CUX1: variants seen among roughly 807,000 people sequenced by gnomAD.
CUX1 encodes cut like homeobox 1, also known as protein CASP.
Under a neutral mutation model 158.8 loss-of-function variants are expected in CUX1, and 31 were observed. The observed-to-expected ratio is 0.20, with a 90% CI of 0.15 to 0.26. The LOEUF (loss-of-function observed/expected upper bound fraction) is 0.26. Among genes scored for constraint, CUX1 ranks in the 10% least tolerant of loss-of-function variants. The probability of loss-of-function intolerance (pLI) is 1.00; values close to 1 mark genes in which losing one functional copy is unlikely to be tolerated. For synonymous variants in CUX1, 879 were observed against 862.1 expected (o/e 1.02, Z -0.34); for missense variants, 1,589 against 2,014.6 (o/e 0.79, Z 4.04).
intron 2 of CUX1, among the ~76,000 whole-genome samples, chr7:101,996,368 C>A (rs974811158): frequency 6.6e-6 from 1 of 152,080 alleles, no homozygotes; most frequent in Admixed American, 6.5e-5. Context: ...ATCCTGGAAC[C>A]CCCCAACCCG....
chr7:102,109,125 A>T (rs1048538432), intron 6 of CUX1, among the ~76,000 whole-genome samples: 5 of 152,202 alleles, frequency 3.3e-5, no homozygotes, highest in African/African-American at 1.2e-4. Flanking sequence ...ACTGGGGTGC[A>T]TATTTGTTTT....
At chr7:102,169,838 C>T (rs1359282304) in intron 9 of CUX1, among the ~76,000 whole-genome samples, 2 of 152,200 alleles carry the variant, frequency 1.3e-5, no homozygotes, top group African/African-American at 2.4e-5. Context: ...GTCCTGTCTA[C>T]GTCCTCGGAT....
chr7:102,042,595 AC>A (rs1234214044), intron 3 of CUX1, among the ~76,000 whole-genome samples: 1 of 152,008 alleles, frequency 6.6e-6, no homozygotes, highest in Non-Finnish European at 1.5e-5. Context: ...TATTGTTAAG[AC>A]CCTTTTGCTG....
At chr7:102,180,708 T>C (rs942217235) in intron 11 of CUX1, among the ~76,000 whole-genome samples, 1 of 150,642 alleles carries the variant, frequency 6.6e-6, no homozygotes, top group Admixed American at 6.6e-5. Flanking sequence ...TTTCCAGCAA[T>C]CTATTGCCTA....
intron 3 of CUX1, among the ~76,000 whole-genome samples, chr7:102,068,830 T>C (rs1369138707): frequency 6.6e-6 from 1 of 152,206 alleles, no homozygotes; most frequent in Admixed American, 6.5e-5. Flanking sequence ...TAAAGTGCGA[T>C]CTGTTGTCTC....
chr7:102,272,836 G>A (rs59310822), intron 14 of CUX1, among the ~76,000 whole-genome samples: 4,405 of 152,262 alleles, frequency 0.029, 213 homozygotes, highest in African/African-American at 0.098. Context: ...TCTGTTGGGG[G>A]CGGGACCAAG....
intron 1 of CUX1, among the ~76,000 whole-genome samples, chr7:101,861,519 G>A (rs1319303932): frequency 6.6e-6 from 1 of 151,240 alleles, no homozygotes; most frequent in Non-Finnish European, 1.5e-5. Flanking sequence ...CTGCAAAGCT[G>A]GTTTTGGTGC....
chr7:101,862,912 A>G (rs955965838), intron 1 of CUX1, among the ~76,000 whole-genome samples: 1 of 144,920 alleles, frequency 6.9e-6, no homozygotes, highest in Non-Finnish European at 1.5e-5. Context: ...TTTTTTTTTT[A>G]CTTATTACAG....
At chr7:101,903,862 A>G (rs2131779050) in intron 1 of CUX1, among the ~76,000 whole-genome samples, 1 of 152,232 alleles carries the variant, frequency 6.6e-6, no homozygotes, top group South Asian at 2.1e-4. Context: ...TCTTGATGGA[A>G]ATCTCTCAGT....
At chr7:102,049,679 A>G (rs1823249306) in intron 3 of CUX1, among the ~76,000 whole-genome samples, 1 of 152,090 alleles carries the variant, frequency 6.6e-6, no homozygotes, top group South Asian at 2.1e-4. Flanking sequence ...ATCTCTACCA[A>G]AAAAAACAAA....
intron 2 of CUX1, among the ~76,000 whole-genome samples, chr7:101,976,717 T>C (rs1406487524): frequency 6.6e-6 from 1 of 152,148 alleles, no homozygotes; most frequent in Non-Finnish European, 1.5e-5. Flanking sequence ...TTTACATCGG[T>C]GGATCCAGTG....
chr7:102,133,350 A>G (rs551286603), intron 8 of CUX1, among the ~76,000 whole-genome samples: 12 of 151,258 alleles, frequency 7.9e-5, no homozygotes, highest in African/African-American at 2.9e-4. Flanking sequence ...TCCTATGCCC[A>G]CACTTACCTG....
intron 11 of CUX1, 73 bp downstream of exon 11, chr7:102,178,730 A>C: frequency 6.9e-7 from 1 of 1,443,368 alleles, no homozygotes; most frequent in Non-Finnish European, 9.4e-7. Flanking sequence ...GCACACACAC[A>C]CCCTCTGCCT....
At chr7:101,917,753 G>A (rs538789707) in intron 2 of CUX1, among the ~76,000 whole-genome samples, 1 of 152,238 alleles carries the variant, frequency 6.6e-6, no homozygotes, top group East Asian at 1.9e-4. Context: ...TCCTCTTAGT[G>A]CCGTTCCTGT....
chr7:102,074,592 G>C (rs1449133963), intron 4 of CUX1, among the ~76,000 whole-genome samples: 2 of 152,196 alleles, frequency 1.3e-5, no homozygotes, highest in African/African-American at 2.4e-5. Flanking sequence ...GTGAATGACT[G>C]AAGGAGTCAA....
intron 2 of CUX1, among the ~76,000 whole-genome samples, chr7:101,942,243 C>T (rs1228149830): frequency 6.6e-6 from 1 of 152,162 alleles, no homozygotes; most frequent in Non-Finnish European, 1.5e-5. Context: ...CAGGAAAATT[C>T]CCAGCAGGGA....
chr7:101,831,525 C>T (rs1794009797), intron 1 of CUX1, among the ~76,000 whole-genome samples: 1 of 152,072 alleles, frequency 6.6e-6, no homozygotes. Flanking sequence ...CTCCTGACCT[C>T]AGGTGATCCA....
rs966191354 is a variant in CUX1, at chr7:101,869,023, C to T, written c.31-47092C>T. Among the ~76,000 whole-genome samples, 24 of 152,288 alleles carry T rather than the reference C, an allele frequency of 1.6e-4. No homozygotes were observed. Among genetic ancestry groups the T allele is most frequent in the Admixed American group, 7.2e-4 (11 of 15,308 alleles). Reference sequence around the variant, plus strand: ...TGGGCCATGCCCTGGGAGACGCTTCCGCAGGAGATGGTGCGGCTGGGGTGG... The same window carrying T: ...TGGGCCATGCCCTGGGAGACGCTTCTGCAGGAGATGGTGCGGCTGGGGTGG... On this transcript the variant is annotated intron_variant, in intron 1 of 23. Transcript: ENST00000292535. This position sits in a 1 kb window ranked among gnomAD's most constrained non-coding sequence, Gnocchi z 4.5.
chr7:102,176,959 T>TC (rs1376492124), intron 10 of CUX1, among the ~76,000 whole-genome samples: 3 of 151,810 alleles, frequency 2.0e-5, no homozygotes, highest in Non-Finnish European at 4.4e-5. Flanking sequence ...TTTTTTTTTT[T>TC]TTAATACCTT....
Sources: gnomAD v4.1 joint callset for allele counts (sites outside exome capture counted in the v4.1 genomes callset) on GRCh38, gnomAD v4.1.1 for gene constraint, Gnocchi (gnomAD v3.1) non-coding constraint, MANE v1.5 for transcripts, NCBI Gene and HGNC (gene_info 2026-07-23, HGNC 2026-07-21) for gene names.